MARCHF8: variants seen among roughly 807,000 people sequenced by gnomAD.
MARCHF8 encodes E3 ubiquitin-protein ligase MARCHF8.
In MARCHF8, 40 loss-of-function variants were observed where a neutral mutation model predicts 51.6. The observed-to-expected ratio is 0.77, with a 90% CI of 0.60 to 1.01. The LOEUF (loss-of-function observed/expected upper bound fraction) is 1.01, where lower values mean the gene tolerates loss of function less well. Among genes scored for constraint, MARCHF8 ranks in the 50% least tolerant of loss-of-function variants. MARCHF8 has a pLI of 0.00. For synonymous variants in MARCHF8, 263 were observed against 280.3 expected, an observed-to-expected ratio of 0.94 and a Z score of 0.62; for missense variants, 685 against 708.6, an observed-to-expected ratio of 0.97 and a Z score of 0.38.
intron 3 of MARCHF8, among the ~76,000 whole-genome samples, chr10:45,468,923 G>T (rs1029998053): frequency 1.3e-5 from 2 of 152,058 alleles, no homozygotes; most frequent in Non-Finnish European, 2.9e-5. Context: ...ACTGCCCTCA[G>T]GATGACAAAG....
chr10:45,470,352 C>G (rs1271283129), intron 3 of MARCHF8, among the ~76,000 whole-genome samples: 1 of 152,188 alleles, frequency 6.6e-6, no homozygotes, highest in Non-Finnish European at 1.5e-5. Context: ...CTGACTCCAC[C>G]TGGGGCAGGC....
At chr10:45,528,003 A>G (rs2043819837) in intron 2 of MARCHF8, among the ~76,000 whole-genome samples, 1 of 152,226 alleles carries the variant, frequency 6.6e-6, no homozygotes, top group Admixed American at 6.5e-5. Context: ...AACAAAAACC[A>G]TATTATCTCG....
intron 5 of MARCHF8, chr10:45,462,153 G>A (rs957037217): frequency 6.6e-6 from 1 of 152,264 alleles, no homozygotes; most frequent in African/African-American, 2.4e-5. Context: ...GTCCTGGAAG[G>A]AGCCAGGCTC....
At chr10:45,512,242 C>A (rs1403517841) in intron 2 of MARCHF8, among the ~76,000 whole-genome samples, 1 of 150,618 alleles carries the variant, frequency 6.6e-6, no homozygotes, top group Admixed American at 6.6e-5. Context: ...CCCCTCCGCC[C>A]GGCAGCCGCC....
At chr10:45,538,987 C>T (rs1463544578), upstream of MARCHF8, among the ~76,000 whole-genome samples, 1 of 152,228 alleles carries the variant, frequency 6.6e-6, no homozygotes, top group Non-Finnish European at 1.5e-5. Flanking sequence ...ATCTACAGAA[C>T]TCTCCAACCC....
chr10:45,470,732 A>T (rs998848585), intron 3 of MARCHF8, among the ~76,000 whole-genome samples: 2 of 152,138 alleles, frequency 1.3e-5, no homozygotes, highest in Non-Finnish European at 2.9e-5. Flanking sequence ...AGAGATAGGG[A>T]TCTGCTCCTA....
rs1403366987 is a variant in MARCHF8 at position 45,533,122 on chromosome 10, CTCCTTT to C, written c.84_89del (p.Lys29_Glu30del). The C allele has an allele frequency of 6.2e-7, 1 of 1,607,300 alleles. No individual in the cohort carries two copies. ...ACTCTCCCAGTACCTGTTCTTCCCT[CTCCTTT>C]TCTTTGGTCTTACTTCTGTAGACTC... On this transcript the variant is annotated inframe_deletion, in exon 2 of 8. Coordinates refer to ENST00000453424, the MANE Select transcript of MARCHF8 (RefSeq NM_001282866.2).
chr10:45,529,964 A>G (rs142440667), intron 2 of MARCHF8, among the ~76,000 whole-genome samples: 2 of 152,362 alleles, frequency 1.3e-5, no homozygotes, highest in East Asian at 3.9e-4. Flanking sequence ...AGAAATCATT[A>G]TATCAAAAAG....
chr10:45,510,707 T>C (rs1344790188), intron 2 of MARCHF8, among the ~76,000 whole-genome samples: 3 of 152,188 alleles, frequency 2.0e-5, no homozygotes, highest in African/African-American at 7.2e-5. Flanking sequence ...AACCTCATTG[T>C]GGCAATAATG....
intron 2 of MARCHF8, among the ~76,000 whole-genome samples, chr10:45,504,366 C>A (rs914168573): frequency 6.6e-6 from 1 of 152,212 alleles, no homozygotes; most frequent in African/African-American, 2.4e-5. Flanking sequence ...ATCGCTTGAA[C>A]CTGGGAGGCG....
chr10:45,575,457 T>C (rs561779250), intron 1 of MARCHF8, among the ~76,000 whole-genome samples: 2 of 152,326 alleles, frequency 1.3e-5, no homozygotes, highest in South Asian at 4.1e-4. Context: ...TACAAAACCA[T>C]ATCCAGGCCA....
At chr10:45,586,915 T>G (rs1474127193) in intron 1 of MARCHF8, among the ~76,000 whole-genome samples, 1 of 152,174 alleles carries the variant, frequency 6.6e-6, no homozygotes, top group African/African-American at 2.4e-5. Flanking sequence ...ATACTGTTTC[T>G]TTTCCTTAAC....
rs1306518509 is a variant in MARCHF8, at chr10:45,463,765, G to A, written c.474C>T (p.Leu158=). 6.4e-7 allele frequency: 1 copy of A among 1,551,056 alleles called. No homozygotes were observed. Among genetic ancestry groups the A allele is most frequent in the Admixed American group, 2.0e-5 (1 of 51,004 alleles). The part of the protein sequence containing the change: ...ARRTLKFSRS[L]NDVGEKAQDT... ...CCTGCGCCTTCTCACCCACATCATTGAGGGACCTTGAGAACTTTAGTGTTC... is the reference window on the plus strand; with the variant it reads ...CCTGCGCCTTCTCACCCACATCATTAAGGGACCTTGAGAACTTTAGTGTTC... Residue 158 remains leucine, a synonymous_variant, in exon 5 of 8, where the codon CTC becomes CTT. Transcript: ENST00000453424.
chr10:45,487,456 A>G (rs989840860), intron 3 of MARCHF8, among the ~76,000 whole-genome samples: 1 of 152,202 alleles, frequency 6.6e-6, no homozygotes, highest in African/African-American at 2.4e-5. Context: ...AACACATTTA[A>G]TTCAACTTAA....
chr10:45,478,825 T>TG (rs1467667381), intron 3 of MARCHF8, among the ~76,000 whole-genome samples: 3 of 152,120 alleles, frequency 2.0e-5, no homozygotes, highest in Non-Finnish European at 4.4e-5. Context: ...ACAGAAAACT[T>TG]GGACAGATCA....
chr10:45,593,813 T>C (rs2044707284), intron 1 of MARCHF8, among the ~76,000 whole-genome samples: 1 of 152,050 alleles, frequency 6.6e-6, no homozygotes, highest in Non-Finnish European at 1.5e-5. Flanking sequence ...TCGAACAAAA[T>C]AAAGAGAAAA....
chr10:45,560,952 G>T (rs1273827177), intron 1 of MARCHF8, among the ~76,000 whole-genome samples: 1 of 152,140 alleles, frequency 6.6e-6, no homozygotes, highest in Non-Finnish European at 1.5e-5. Context: ...GTTTAAACAT[G>T]CAAGGGAAAT....
chr10:45,460,311 C>G (rs1842747176), intron 6 of MARCHF8, among the ~76,000 whole-genome samples: 1 of 152,192 alleles, frequency 6.6e-6, no homozygotes, highest in South Asian at 2.1e-4. Context: ...AGCCTGACCT[C>G]TCTAAACTCC....
At chr10:45,555,789 T>C (rs574813704) in intron 1 of MARCHF8, among the ~76,000 whole-genome samples, 1 of 151,824 alleles carries the variant, frequency 6.6e-6, no homozygotes, top group South Asian at 2.1e-4. Flanking sequence ...TATGTGTTTA[T>C]AATGATACTT....
Sources: allele counts gnomAD v4.1 joint callset (sites outside exome capture counted in the v4.1 genomes callset), GRCh38; gene constraint gnomAD v4.1.1; transcripts MANE v1.5; gene names NCBI Gene and HGNC (gene_info 2026-07-23, HGNC 2026-07-21).